FAM227B: variants seen among roughly 807,000 people sequenced by gnomAD.
FAM227B encodes the protein family with sequence similarity 227 member B.
A neutral mutation model predicts 73.8 loss-of-function variants in FAM227B; 88 were observed. The observed-to-expected ratio is 1.19, with a 90% CI of 1.00 to 1.42. The LOEUF (loss-of-function observed/expected upper bound fraction) is 1.42. FAM227B is among the 40% of genes most tolerant of loss of function. The pLI, the probability that FAM227B is intolerant of heterozygous loss-of-function variation, is 0.00. For synonymous variants in FAM227B, 210 were observed against 190.5 expected (o/e 1.10, Z -0.84); for missense variants, 632 against 590.9 (o/e 1.07, Z -0.72).
At chr15:49,554,071 T>G (rs1174638696) in intron 9 of FAM227B, among the ~76,000 whole-genome samples, 1 of 152,148 alleles carries the variant, frequency 6.6e-6, no homozygotes, top group Non-Finnish European at 1.5e-5. Context: ...TTTTGCCCAG[T>G]TTGTGTCTAG....
intron 11 of FAM227B, chr15:49,484,474 A>G (rs1413531200): frequency 1.3e-6 from 2 of 1,571,460 alleles, no homozygotes; most frequent in Non-Finnish European, 1.7e-6. Flanking sequence ...AACAAAAAAC[A>G]GCCCACTTTC....
chr15:49,427,697 C>T (rs918190261), intron 11 of FAM227B, among the ~76,000 whole-genome samples: 1 of 151,956 alleles, frequency 6.6e-6, no homozygotes, highest in African/African-American at 2.4e-5. Context: ...ACTCACTTCA[C>T]CAGCAGAAGC....
intron 12 of FAM227B, among the ~76,000 whole-genome samples, chr15:49,369,381 A>T (rs960038406): frequency 1.1e-4 from 16 of 152,160 alleles, no homozygotes; most frequent in African/African-American, 3.9e-4. Context: ...GAAAGATAAT[A>T]GCAGAAATTT....
rs377139081 is a variant in FAM227B, at chr15:49,332,087, C to CCACACACA, written c.1350-246_1350-239dup. 9.5e-3 allele frequency among the ~76,000 whole-genome samples: 1,210 copies of CCACACACA among 127,982 alleles called. 11 individuals are homozygous for CCACACACA. Among genetic ancestry groups the CCACACACA allele is most frequent in the Middle Eastern group, 0.016 (4 of 258 alleles). 84.0% of individuals were successfully genotyped at this position (127,982 alleles called of 152,430 possible). Reference sequence around the variant, plus strand: ...CACCCCCGCTGCATGTGCACACGTGCCACACACACACACACACACACACAC... The same window carrying CCACACACA: ...CACCCCCGCTGCATGTGCACACGTGCCACACACACACACACACACACACACACACACAC... On this transcript the variant is annotated intron_variant, in intron 14 of 15. Transcript: ENST00000299338.
At chr15:49,571,097 G>C (rs1463549204) in intron 8 of FAM227B, among the ~76,000 whole-genome samples, 1 of 151,346 alleles carries the variant, frequency 6.6e-6, no homozygotes, top group Non-Finnish European at 1.5e-5. Context: ...AAACAGAAAT[G>C]GGATTGCTGG....
intron 11 of FAM227B, chr15:49,487,993 A>G (rs1388204139): frequency 1.3e-5 from 2 of 151,986 alleles, no homozygotes; most frequent in Non-Finnish European, 1.5e-5. Context: ...ACAAGGCTAA[A>G]GAAAACCAGA....
chr15:49,561,257 A>C (rs1158994798), intron 9 of FAM227B, among the ~76,000 whole-genome samples: 1 of 152,196 alleles, frequency 6.6e-6, no homozygotes, highest in Non-Finnish European at 1.5e-5. Context: ...AACTGCTAAC[A>C]GTAAAAAAGG....
intron 9 of FAM227B, among the ~76,000 whole-genome samples, chr15:49,550,087 G>A (rs564981933): frequency 0.23 from 25,655 of 109,546 alleles, 4,876 homozygotes; most frequent in African/African-American, 0.34. Flanking sequence ...CTCCTGGACG[G>A]GGGCGGCTGG....
At chr15:49,576,465 C>A in intron 7 of FAM227B, 1 of 258,166 alleles carries the variant, frequency 3.9e-6, no homozygotes, top group Non-Finnish European at 7.4e-6. Context: ...GCTGACAGAG[C>A]AGGAACAGAC....
chr15:49,609,259 A>G (rs1240716294), intron 3 of FAM227B, among the ~76,000 whole-genome samples: 2 of 151,928 alleles, frequency 1.3e-5, no homozygotes, highest in African/African-American at 4.8e-5. Flanking sequence ...TCAATAGAGA[A>G]ATGAGAGGAT....
At position 49,331,513 on chromosome 15, in the gene FAM227B, G is replaced by C. The variant is rs557609552; in HGVS notation, c.1419+267C>G. 3.5e-4 allele frequency: 137 copies of C among 392,868 alleles called. No homozygotes were observed. The East Asian group carries it at 5.2e-3, about 15-fold the overall frequency. The allele number at this position is 392,868 out of a possible 1,614,324, so 24.3% of individuals were successfully genotyped here. ...TTTAAACATCAGTGATTATTAGTTT[G>C]TAATTCTAACTGCATTTGGAGCTTT... On this transcript the variant is annotated intron_variant, in intron 15 of 15. Transcript: ENST00000299338.
At chr15:49,489,861 TA>T (rs1466175557) in intron 11 of FAM227B, among the ~76,000 whole-genome samples, 4 of 4,316 alleles carry the variant, frequency 9.3e-4, no homozygotes, top group Admixed American at 4.9e-3. Flanking sequence ...ATATATATTT[TA>T]TATATATATA....
intron 11 of FAM227B, among the ~76,000 whole-genome samples, chr15:49,407,985 G>C (rs1663159212): frequency 6.6e-6 from 1 of 152,040 alleles, no homozygotes; most frequent in Non-Finnish European, 1.5e-5. Context: ...ATGCATTTGA[G>C]ATTCATGCAC....
At chr15:49,363,908 G>C (rs1327860801) in intron 13 of FAM227B, among the ~76,000 whole-genome samples, 1 of 152,114 alleles carries the variant, frequency 6.6e-6, no homozygotes, top group Non-Finnish European at 1.5e-5. Flanking sequence ...TTAATGTGAT[G>C]AATCACATTT....
chr15:49,517,288 T>G (rs1029845489), intron 10 of FAM227B, among the ~76,000 whole-genome samples: 1 of 152,140 alleles, frequency 6.6e-6, no homozygotes, highest in African/African-American at 2.4e-5. Flanking sequence ...CTCAGTATAC[T>G]GTAAACAGCC....
chr15:49,406,922 A>C (rs1294709952), intron 11 of FAM227B, among the ~76,000 whole-genome samples: 1 of 152,044 alleles, frequency 6.6e-6, no homozygotes, highest in Non-Finnish European at 1.5e-5. Context: ...GTTATGAGGC[A>C]GGACCCCAGA....
At chr15:49,456,386 T>C (rs556946326) in intron 11 of FAM227B, among the ~76,000 whole-genome samples, 3 of 152,232 alleles carry the variant, frequency 2.0e-5, no homozygotes, top group African/African-American at 7.2e-5. Context: ...AAGTCATTTC[T>C]GCCAATTAAA....
At chr15:49,484,397 G>C (rs1163604663) in intron 11 of FAM227B, 1 of 1,593,838 alleles carries the variant, frequency 6.3e-7, no homozygotes, top group Non-Finnish European at 8.5e-7. Flanking sequence ...GACACACAAC[G>C]GAGGGGAAAT....
At chr15:49,394,592 A>G (rs900745251) in intron 11 of FAM227B, among the ~76,000 whole-genome samples, 1 of 152,196 alleles carries the variant, frequency 6.6e-6, no homozygotes, top group Admixed American at 6.5e-5. Flanking sequence ...ATTTCTGTAT[A>G]CAGTTAGCTG....
Sources: gnomAD v4.1 joint callset for allele counts (sites outside exome capture counted in the v4.1 genomes callset) on GRCh38, gnomAD v4.1.1 for gene constraint, MANE v1.5 for transcripts, NCBI Gene and HGNC (gene_info 2026-07-23, HGNC 2026-07-21) for gene names.